Variants in DNAH1 observed in about 807,000 individuals in gnomAD.
The protein encoded by DNAH1 is axonemal beta dynein heavy chain 1.
In DNAH1, 327 loss-of-function variants were observed where a neutral mutation model predicts 484.3. The ratio of observed to expected loss-of-function variants is 0.68; its 90% CI spans 0.62 to 0.74. DNAH1 has a LOEUF of 0.74. DNAH1 is among the 30% of genes least tolerant of loss of function. The pLI is 0.00. For synonymous variants in DNAH1, 2,192 were observed against 2,191.9 expected (o/e 1.00, Z 0.00); for missense variants, 5,052 against 5,546.8 (o/e 0.91, Z 2.83).
chr3:52,356,529 G>T (rs1200624582), intron 21 of DNAH1, 85 bp from the exon 22 acceptor site: 5 of 1,416,400 alleles, frequency 3.5e-6, no homozygotes, highest in Non-Finnish European at 3.9e-6. Flanking sequence ...TGCTGGTGGG[G>T]TGAAATGTCC....
In DNAH1 at chr3:52,388,445, C is replaced by T. The variant is rs758105617; in HGVS notation, c.9199C>T (p.Leu3067=). 3 of 1,612,684 alleles carry T rather than the reference C, an allele frequency of 1.9e-6. No individual in the cohort carries two copies. Among genetic ancestry groups the T allele is most frequent in the Non-Finnish European group, 1.7e-6 (2 of 1,179,386 alleles). The change falls in exon 58 of 78, where the codon CTG becomes TTG. Residue 3067 remains leucine, a synonymous_variant. Coordinates refer to ENST00000420323, the MANE Select transcript of DNAH1 (RefSeq NM_015512.5). ...AGCCCTGCTGGAGGCCCAGGATGAC[C>T]TGGGGGTGACACAGAGGATCCTGGA... The part of the protein sequence containing the change: ...RQALLEAQDD[L]GVTQRILDEA...
Position 52,389,475 on chromosome 3 carries a change from G to C in DNAH1, c.9510G>C (p.Thr3170=). 6.2e-7 allele frequency: 1 copy of C among 1,609,902 alleles called. No individual in the cohort carries two copies. The highest frequency in any genetic ancestry group is 8.5e-7 in the Non-Finnish European group (1 of 1,178,402). ...CATCTCCCCAGGGCCAGTACCGCAC[G>C]GTGCTCTACGACAGCTGGGTCAAGC... The part of the protein sequence containing the change: ...YLGPFTGQYR[T]VLYDSWVKQL... Residue 3170 remains threonine, a synonymous_variant, in exon 60 of 78, where the codon ACG becomes ACC. Transcript: ENST00000420323.
In DNAH1 at chr3:52,370,212, C is replaced by G. The variant is rs942692828; in HGVS notation, c.6241C>G (p.Pro2081Ala). 6 of 1,613,826 alleles carry G rather than the reference C, an allele frequency of 3.7e-6. No individual in the cohort carries two copies. The African/African-American group carries it at 6.7e-5, about 18-fold the overall frequency. ...CAAGCTGCTGGACTGCTTCTTCAAG[C>G]CCTTTCTGCCTAGAGAGGTACAGCC... ...LLKLLDCFFK[P>A]FLPREGLKKI... The change falls in exon 39 of 78, where the codon CCC becomes GCC. Residue 2081 changes from proline (P) to alanine (A), a missense_variant. Coordinates refer to ENST00000420323, the MANE Select transcript of DNAH1 (RefSeq NM_015512.5).
At position 52,368,654 on chromosome 3, in the gene DNAH1, C is replaced by G. The variant is rs964953964; in HGVS notation, c.5766-87C>G. The stretch of plus-strand genomic sequence containing the variant: ...ATTGAAGGAAAGTAGAGCCCGCCCA[C>G]CCGGCGGCCAGGCTTCCCTGGGAGC... On this transcript the variant is annotated intron_variant, in intron 36 of 77. Coordinates refer to ENST00000420323, the MANE Select transcript of DNAH1 (RefSeq NM_015512.5). The surrounding 1 kb of genome is among the most constrained non-coding windows in gnomAD (Gnocchi z 4.4). 1.4e-6 allele frequency: 2 copies of G among 1,425,844 alleles called. No homozygotes were observed. The highest frequency in any genetic ancestry group is 2.3e-5 in the East Asian group (1 of 43,266). 88.3% of individuals were successfully genotyped at this position (1,425,844 alleles called of 1,614,324 possible).
chr3:52,326,228 C>A lies in DNAH1; in HGVS notation c.495C>A (p.Asp165Glu). 1.9e-6 allele frequency: 3 copies of A among 1,613,236 alleles called. No individual in the cohort carries two copies. The highest frequency in any genetic ancestry group is 2.2e-5 in the South Asian group (2 of 90,944). ...GSTTRLLAQT[D>E]FPLQAYEPKM... is the part of the protein sequence containing the mutation. Reference sequence around the variant, plus strand: ...CCACCCGGCTGCTCGCCCAGACTGACTTCCCACTGCAGGCCTACGAGCCCA... The same window carrying A: ...CCACCCGGCTGCTCGCCCAGACTGAATTCCCACTGCAGGCCTACGAGCCCA... Residue 165 changes from aspartate (D) to glutamate (E), a missense_variant, in exon 4 of 78, where the codon GAC becomes GAA. Transcript: ENST00000420323.
At chr3:52,317,478 G>A (rs1490408520) in intron 1 of DNAH1, among the ~76,000 whole-genome samples, 1 of 152,222 alleles carries the variant, frequency 6.6e-6, no homozygotes, top group Non-Finnish European at 1.5e-5. Context: ...TCCCGCAGCT[G>A]TGGCTTAAAT....
intron 53 of DNAH1, 134 bp downstream of exon 53, chr3:52,385,111 C>T (rs1704042474): frequency 8.4e-7 from 1 of 1,193,994 alleles, no homozygotes; most frequent in South Asian, 1.6e-5. Flanking sequence ...GTGGCTTCCC[C>T]CCTCATCAAA....
intron 22 of DNAH1, 83 bp from the exon 23 acceptor site, chr3:52,357,531 G>T: frequency 6.6e-7 from 1 of 1,520,930 alleles, no homozygotes; most frequent in East Asian, 2.4e-5. Flanking sequence ...GGCTCTGGCT[G>T]GTGTGGGTGC....
chr3:52,375,866 G>T, intron 45 of DNAH1, 89 bp from the exon 46 acceptor site: 1 of 1,463,886 alleles, frequency 6.8e-7, no homozygotes, highest in South Asian at 1.2e-5. Flanking sequence ...ACCCCAAGAT[G>T]CTGTTTCCCC....
intron 12 of DNAH1, 64 bp downstream of exon 12, chr3:52,348,038 G>C: frequency 6.6e-7 from 1 of 1,511,612 alleles, no homozygotes; most frequent in Non-Finnish European, 8.9e-7. Flanking sequence ...GGCTCCCTGA[G>C]CTCAGGGTGC....
chr3:52,326,529 G>T (rs1279457505), intron 4 of DNAH1, among the ~76,000 whole-genome samples: 1 of 152,120 alleles, frequency 6.6e-6, no homozygotes, highest in African/African-American at 2.4e-5. Context: ...TGGGACTGCG[G>T]GGCGGGACAG....
At position 52,391,217 on chromosome 3, in the gene DNAH1, C is replaced by G; in HGVS notation, c.9780C>G (p.Asp3260Glu). 2 of 1,613,938 alleles carry G rather than the reference C, an allele frequency of 1.2e-6. No homozygotes were observed. Among genetic ancestry groups the G allele is most frequent in the Non-Finnish European group, 8.5e-7 (1 of 1,179,876 alleles). The change falls in exon 62 of 78, where the codon GAC becomes GAG. Residue 3260 changes from aspartate to glutamate, a missense_variant. Transcript: ENST00000420323. ...DNGLDVFKLSDRDFLRSMENA... is the reference protein window; with the variant it reads ...DNGLDVFKLSERDFLRSMENA... ...GGCTGGATGTGTTCAAGTTGAGTGACCGCGACTTCCTGCGCAGCATGGAGA... is the reference window on the plus strand; with the variant it reads ...GGCTGGATGTGTTCAAGTTGAGTGAGCGCGACTTCCTGCGCAGCATGGAGA...
rs201807250 is a variant in DNAH1, at chr3:52,391,248, A to G, written c.9811A>G (p.Ile3271Val). 1,187 of 1,613,742 alleles carry G rather than the reference A, an allele frequency of 7.4e-4. 2 individuals are homozygous for G. Among genetic ancestry groups the G allele is most frequent in the Admixed American group, 1.0e-3 (60 of 59,986 alleles). The change falls in exon 62 of 78, where the codon ATC becomes GTC. Residue 3271 changes from isoleucine (I) to valine (V), a missense_variant. Transcript: ENST00000420323. The stretch of plus-strand genomic sequence containing the variant: ...CTTCCTGCGCAGCATGGAGAACGCC[A>G]TCCGCTTTGGCAAGCCATGTCTCCT... ...RDFLRSMENA[I>V]RFGKPCLLEN...
intron 60 of DNAH1, 48 bp from the exon 61 acceptor site, chr3:52,390,887 C>T (rs983966283): frequency 7.7e-6 from 12 of 1,549,336 alleles, no homozygotes; most frequent in South Asian, 1.2e-5. Context: ...CTCAGTGACC[C>T]TGCTTGCAGG....
In DNAH1 at chr3:52,362,596, C is replaced by T. The variant is rs1702910492; in HGVS notation, c.5094+95C>T. ...TTATGCAAGGACACAGTTGCTTGGA[C>T]TCCAGGGACTGTGATTCCCTATGGT... On this transcript the variant is annotated intron_variant, in intron 31 of 77. Transcript: ENST00000420323. This position sits in a 1 kb window ranked among gnomAD's most constrained non-coding sequence, Gnocchi z 5.1. The T allele has an allele frequency of 9.0e-7, 1 of 1,107,228 alleles. No homozygotes were observed. The highest frequency in any genetic ancestry group is 1.3e-6 in the Non-Finnish European group (1 of 760,048). 68.6% of individuals were successfully genotyped at this position (1,107,228 alleles called of 1,614,324 possible). A position where few individuals can be genotyped will look rare whatever the true frequency, so the allele number is the denominator to read the frequency against.
At chr3:52,351,623 C>T (rs1702382903) in intron 16 of DNAH1, among the ~76,000 whole-genome samples, 1 of 152,252 alleles carries the variant, frequency 6.6e-6, no homozygotes, top group Non-Finnish European at 1.5e-5. Flanking sequence ...GGAAAGGCCC[C>T]TCTGGCCCCT....
At chr3:52,385,763 A>G (rs930412910) in intron 54 of DNAH1, among the ~76,000 whole-genome samples, 2 of 152,220 alleles carry the variant, frequency 1.3e-5, no homozygotes, top group African/African-American at 4.8e-5. Context: ...CAGACCTTGC[A>G]GTTTGTGTAT....
chr3:52,323,140 G>A (rs1701211340), intron 2 of DNAH1, among the ~76,000 whole-genome samples: 1 of 152,184 alleles, frequency 6.6e-6, no homozygotes, highest in Non-Finnish European at 1.5e-5. Flanking sequence ...GGTTGGGAAG[G>A]TTCCACAGAT....
At chr3:52,346,864 C>A in intron 11 of DNAH1, 94 bp downstream of exon 11, 1 of 1,367,738 alleles carries the variant, frequency 7.3e-7, no homozygotes, top group Non-Finnish European at 9.9e-7. Flanking sequence ...CCAGGGTGCC[C>A]ATCCATGCCA....
Sources: gnomAD v4.1 joint callset for allele counts (sites outside exome capture counted in the v4.1 genomes callset) on GRCh38, gnomAD v4.1.1 for gene constraint, Gnocchi (gnomAD v3.1) non-coding constraint, MANE v1.5 for transcripts, NCBI Gene and HGNC (gene_info 2026-07-23, HGNC 2026-07-21) for gene names.